Variants in ZCCHC7 observed in about 807,000 individuals in gnomAD.
The protein encoded by ZCCHC7 is zinc finger CCHC-type containing 7, also known as zinc finger CCHC domain-containing protein 7.
A neutral mutation model predicts 52.0 loss-of-function variants in ZCCHC7; 35 were observed. That is an observed-to-expected ratio of 0.67 (90% CI 0.51 to 0.89). The LOEUF (loss-of-function observed/expected upper bound fraction) is 0.89. ZCCHC7 is among the 40% of genes least tolerant of loss of function. The probability of loss-of-function intolerance (pLI) is 0.00; values close to 1 mark genes in which losing one functional copy is unlikely to be tolerated. For missense variants in ZCCHC7, 574 were observed against 649.1 expected, an observed-to-expected ratio of 0.88 and a Z score of 1.26; for synonymous variants, 217 against 221.5, an observed-to-expected ratio of 0.98 and a Z score of 0.18.
chr9:37,333,472 G>C (rs945288237), intron 6 of ZCCHC7, among the ~76,000 whole-genome samples: 1 of 151,776 alleles, frequency 6.6e-6, no homozygotes, highest in African/African-American at 2.4e-5. Flanking sequence ...GCAAAGACCA[G>C]TATATTTAGG....
At position 37,171,165 on chromosome 9, in the gene ZCCHC7, G is replaced by A. The variant is rs142262207; in HGVS notation, c.610+44223G>A. 3.9e-3 allele frequency among the ~76,000 whole-genome samples: 593 copies of A among 152,256 alleles called. 8 individuals are homozygous for A. The highest frequency in any genetic ancestry group is 0.014 in the African/African-American group (561 of 41,554). ...GCGACACCTTAAAAAGAACTTTGTG[G>A]GAAGAAATGTGTACAATTGAGTTTC... is the stretch of plus-strand genomic sequence containing the variant. On this transcript the variant is annotated intron_variant, in intron 2 of 8. Transcript: ENST00000336755.
intron 2 of ZCCHC7, among the ~76,000 whole-genome samples, chr9:37,199,599 C>A (rs1271427161): frequency 6.6e-6 from 1 of 151,496 alleles, no homozygotes; most frequent in East Asian, 1.9e-4. Flanking sequence ...TCCCAAAGTG[C>A]TGGGATTACA....
Position 37,288,849 on chromosome 9 carries a change from C to T in ZCCHC7, c.611-13339C>T, listed in dbSNP as rs531691687. On this transcript the variant is annotated intron_variant, in intron 2 of 8. Transcript: ENST00000336755. ...TTGCTCATGTTCTATCCTTTCTCTA[C>T]ACTCAAACCCTTGGTACTCTCACCC... 3.3e-5 allele frequency among the ~76,000 whole-genome samples: 5 copies of T among 152,278 alleles called. 1 individual carries two copies. The South Asian group carries it at 1.0e-3, about 32-fold the overall frequency.
chr9:37,295,463 A>G (rs952351340), intron 2 of ZCCHC7, among the ~76,000 whole-genome samples: 3 of 152,214 alleles, frequency 2.0e-5, no homozygotes, highest in Non-Finnish European at 4.4e-5. Flanking sequence ...GAAATTACTT[A>G]AGTAGCAGTG....
intron 2 of ZCCHC7, among the ~76,000 whole-genome samples, chr9:37,295,718 T>C (rs1305509661): frequency 1.3e-5 from 2 of 152,208 alleles, no homozygotes; most frequent in Non-Finnish European, 2.9e-5. Flanking sequence ...TGTTTTTGTA[T>C]CTTTAAGGAA....
chr9:37,122,164 A>G (rs889979894), intron 1 of ZCCHC7, among the ~76,000 whole-genome samples: 1 of 152,260 alleles, frequency 6.6e-6, no homozygotes, highest in African/African-American at 2.4e-5. Flanking sequence ...GCAAAAGGTC[A>G]GAATGACCAG....
At chr9:37,331,142 G>T (rs1830434641) in intron 6 of ZCCHC7, among the ~76,000 whole-genome samples, 1 of 151,554 alleles carries the variant, frequency 6.6e-6, no homozygotes, top group African/African-American at 2.4e-5. Flanking sequence ...TGTTTTAGAA[G>T]AATTAAGCCT....
chr9:37,196,429 TG>T, intron 2 of ZCCHC7, among the ~76,000 whole-genome samples: 2 of 152,268 alleles, frequency 1.3e-5, no homozygotes, highest in Non-Finnish European at 2.9e-5. Context: ...AAATATAACA[TG>T]ATTTTTATGG....
intron 5 of ZCCHC7, among the ~76,000 whole-genome samples, chr9:37,311,134 G>A (rs1216759813): frequency 6.6e-6 from 1 of 152,066 alleles, no homozygotes; most frequent in African/African-American, 2.4e-5. Flanking sequence ...ATACCATAGA[G>A]CTTTACTGCT....
intron 2 of ZCCHC7, among the ~76,000 whole-genome samples, chr9:37,141,350 A>G (rs1349209075): frequency 2.6e-5 from 4 of 151,034 alleles, no homozygotes; most frequent in Admixed American, 1.3e-4. Context: ...TAGCCCATCT[A>G]TTTGTGTGTT....
At chr9:37,138,847 AATT>A (rs1398915826) in intron 2 of ZCCHC7, among the ~76,000 whole-genome samples, 1 of 151,900 alleles carries the variant, frequency 6.6e-6, no homozygotes, top group African/African-American at 2.4e-5. Flanking sequence ...TTATAAAAAT[AATT>A]ATTGCATATA....
intron 2 of ZCCHC7, among the ~76,000 whole-genome samples, chr9:37,180,587 G>C (rs12351521): frequency 2.6e-4 from 39 of 152,158 alleles, no homozygotes; most frequent in African/African-American, 9.1e-4. Context: ...CTTATTTATA[G>C]AGGAATAATT....
chr9:37,334,491 G>C (rs1416799952), intron 6 of ZCCHC7, among the ~76,000 whole-genome samples: 1 of 151,914 alleles, frequency 6.6e-6, no homozygotes, highest in Non-Finnish European at 1.5e-5. Context: ...CAGTCTCTCT[G>C]AACTAGTGTT....
chr9:37,265,035 CT>C (rs1827037144), intron 2 of ZCCHC7, among the ~76,000 whole-genome samples: 1 of 152,150 alleles, frequency 6.6e-6, no homozygotes, highest in Non-Finnish European at 1.5e-5. Flanking sequence ...CCTAGGAAAC[CT>C]GTATCCCATC....
chr9:37,250,677 T>G (rs1418531377), intron 2 of ZCCHC7, among the ~76,000 whole-genome samples: 3 of 152,202 alleles, frequency 2.0e-5, no homozygotes, highest in African/African-American at 7.2e-5. Context: ...AAGTTTTACT[T>G]TAGACTTTTA....
intron 2 of ZCCHC7, among the ~76,000 whole-genome samples, chr9:37,273,231 C>T (rs532081995): frequency 3.3e-5 from 5 of 152,078 alleles, no homozygotes; most frequent in African/African-American, 7.3e-5. Context: ...TGGCTGGGCG[C>T]GGTGGCTCAC....
chr9:37,196,555 A>G (rs1823298788), intron 2 of ZCCHC7, among the ~76,000 whole-genome samples: 1 of 152,042 alleles, frequency 6.6e-6, no homozygotes, highest in African/African-American at 2.4e-5. Context: ...CTTTATAGAG[A>G]TTATTTTGTT....
Position 37,235,723 on chromosome 9 carries a change from G to A in ZCCHC7, c.611-66465G>A, listed in dbSNP as rs1158917433. On this transcript the variant is annotated intron_variant, in intron 2 of 8. Coordinates refer to ENST00000336755, the MANE Select transcript of ZCCHC7 (RefSeq NM_032226.3). ...TCCTGCCTCAGCCTCCCGAGCAGCT[G>A]GGATTACAGGCACACACCACCATGC... 2.0e-5 allele frequency among the ~76,000 whole-genome samples: 3 copies of A among 151,656 alleles called. No homozygotes were observed. In the East Asian group the frequency reaches 5.8e-4, roughly 29 times the overall value.
chr9:37,174,339 T>G (rs1240026498), intron 2 of ZCCHC7, among the ~76,000 whole-genome samples: 1 of 152,050 alleles, frequency 6.6e-6, no homozygotes, highest in Non-Finnish European at 1.5e-5. Flanking sequence ...AGGAAACTGC[T>G]AAAGTTCCAG....
Sources: gnomAD v4.1 joint callset for allele counts (sites outside exome capture counted in the v4.1 genomes callset) on GRCh38, gnomAD v4.1.1 for gene constraint, MANE v1.5 for transcripts, NCBI Gene and HGNC (gene_info 2026-07-23, HGNC 2026-07-21) for gene names.